The following SEC22A variants were observed in gnomAD, a reference collection of about 807,000 sequenced individuals.
SEC22A encodes vesicle-trafficking protein SEC22a.
In SEC22A, 22 loss-of-function variants were observed where a neutral mutation model predicts 35.3. That is an observed-to-expected ratio of 0.62 (90% CI 0.45 to 0.89). SEC22A has a LOEUF of 0.89. Among genes scored for constraint, SEC22A ranks in the 40% least tolerant of loss-of-function variants. The probability of loss-of-function intolerance (pLI) is 0.00; values close to 1 mark genes in which losing one functional copy is unlikely to be tolerated. For missense variants in SEC22A, 354 were observed against 362.5 expected, an observed-to-expected ratio of 0.98 and a Z score of 0.19; for synonymous variants, 119 against 129.5, an observed-to-expected ratio of 0.92 and a Z score of 0.55.
intron 5 of SEC22A, among the ~76,000 whole-genome samples, chr3:123,248,801 A>G (rs1937587325): frequency 1.3e-5 from 2 of 152,210 alleles, no homozygotes; most frequent in African/African-American, 4.8e-5. Context: ...TACTCTCACG[A>G]TTCTCAATAC....
chr3:123,265,327 A>G (rs1938002287), intron 6 of SEC22A, among the ~76,000 whole-genome samples: 1 of 152,076 alleles, frequency 6.6e-6, no homozygotes, highest in Non-Finnish European at 1.5e-5. Context: ...GGACAACTGT[A>G]TATTCTAGAT....
At chr3:123,250,378 C>G (rs1164677022) in intron 5 of SEC22A, among the ~76,000 whole-genome samples, 1 of 151,582 alleles carries the variant, frequency 6.6e-6, no homozygotes, top group Admixed American at 6.6e-5. Context: ...CCACTGCACT[C>G]TCAGCCTGGC....
intron 3 of SEC22A, among the ~76,000 whole-genome samples, chr3:123,224,393 A>AAAAG (rs113069090): frequency 0.2 from 29,756 of 152,070 alleles, 2,988 homozygotes; most frequent in Middle Eastern, 0.28. Context: ...GTAAGCAATA[A>AAAAG]AAAACAGATT....
intron 4 of SEC22A, among the ~76,000 whole-genome samples, chr3:123,226,958 A>G (rs1175680103): frequency 6.6e-6 from 1 of 152,172 alleles, no homozygotes; most frequent in Admixed American, 6.5e-5. Context: ...GGTTCTTTGT[A>G]CTGCATATTT....
At chr3:123,216,580 C>T (rs972738586) in intron 2 of SEC22A, among the ~76,000 whole-genome samples, 3 of 152,012 alleles carry the variant, frequency 2.0e-5, no homozygotes, top group East Asian at 3.9e-4. Flanking sequence ...CATGATGTGG[C>T]GCTTCACCAT....
At chr3:123,258,252 C>T (rs1937788255) in intron 5 of SEC22A, among the ~76,000 whole-genome samples, 1 of 151,996 alleles carries the variant, frequency 6.6e-6, no homozygotes, top group Non-Finnish European at 1.5e-5. Context: ...AATGTGTCTA[C>T]ATATACAGAA....
rs1306057890 is a variant in SEC22A at position 123,272,922 on chromosome 3, C to A, written c.*1200C>A. 1 of 153,756 alleles carries A rather than the reference C, an allele frequency of 6.5e-6. No homozygotes were observed. The highest frequency in any genetic ancestry group is 6.5e-5 in the Admixed American group (1 of 15,286). The allele number at this position is 153,756 out of a possible 1,614,324, so 9.5% of individuals were successfully genotyped here. ...CTTTGAGGAATTAAGCCCCTAGTAT[C>A]TGAGAGAACTTACTTGTTTTTTGAT... is the stretch of plus-strand genomic sequence containing the variant. On this transcript the variant is annotated 3_prime_UTR_variant, in exon 7 of 7. Transcript: ENST00000492595.
chr3:123,231,858 G>A (rs544638988), intron 4 of SEC22A, among the ~76,000 whole-genome samples: 2 of 152,246 alleles, frequency 1.3e-5, no homozygotes, highest in South Asian at 4.1e-4. Context: ...GAAAACAGTA[G>A]AGAAAAATCA....
At chr3:123,227,548 A>G (rs1212308871) in intron 4 of SEC22A, among the ~76,000 whole-genome samples, 1 of 152,228 alleles carries the variant, frequency 6.6e-6, no homozygotes, top group Non-Finnish European at 1.5e-5. Context: ...TGGCACATGT[A>G]TACTTATGTA....
intron 4 of SEC22A, among the ~76,000 whole-genome samples, chr3:123,233,654 C>CCAA (rs1937360986): frequency 2.0e-5 from 3 of 149,736 alleles, no homozygotes; most frequent in South Asian, 4.2e-4. Flanking sequence ...AACAAACAAA[C>CCAA]AAAAAAAAAC....
chr3:123,255,470 TACACACACACATAC>T (rs879280454), intron 5 of SEC22A, among the ~76,000 whole-genome samples: 5 of 151,802 alleles, frequency 3.3e-5, no homozygotes, highest in African/African-American at 7.3e-5. Flanking sequence ...CATTTATACA[TACACACACACATAC>T]ACACACACAC....
chr3:123,255,105 T>C (rs972869703), intron 5 of SEC22A, among the ~76,000 whole-genome samples: 1 of 152,246 alleles, frequency 6.6e-6, no homozygotes, highest in Non-Finnish European at 1.5e-5. Context: ...CTCTGCCTCA[T>C]CTGTCATTAT....
intron 1 of SEC22A, 94 bp from the exon 2 acceptor site, chr3:123,209,105 A>C: frequency 1.0e-6 from 1 of 969,484 alleles, no homozygotes; most frequent in Non-Finnish European, 1.6e-6. Flanking sequence ...TTTAATTACT[A>C]TTCTTATATT....
chr3:123,217,600 A>G (rs930093002), intron 2 of SEC22A, among the ~76,000 whole-genome samples: 1 of 152,214 alleles, frequency 6.6e-6, no homozygotes. Context: ...CAGGAAAGCT[A>G]TTCACTGGGC....
At chr3:123,239,217 A>G (rs1280067810) in intron 4 of SEC22A, among the ~76,000 whole-genome samples, 1 of 152,236 alleles carries the variant, frequency 6.6e-6, no homozygotes, top group Non-Finnish European at 1.5e-5. Flanking sequence ...AAGGGAGCAC[A>G]CAAGGATGTA....
intron 1 of SEC22A, among the ~76,000 whole-genome samples, chr3:123,203,784 A>G (rs1936800125): frequency 6.6e-6 from 1 of 152,200 alleles, no homozygotes; most frequent in Non-Finnish European, 1.5e-5. Context: ...TAGTTTCCTC[A>G]TCTGTAAAAT....
chr3:123,254,407 C>A (rs1937673881), intron 5 of SEC22A, among the ~76,000 whole-genome samples: 1 of 152,158 alleles, frequency 6.6e-6, no homozygotes, highest in South Asian at 2.1e-4. Context: ...TGAATAGTGA[C>A]ATTCATAAAA....
chr3:123,255,494 C>G (rs1331600446), intron 5 of SEC22A, among the ~76,000 whole-genome samples: 1 of 152,032 alleles, frequency 6.6e-6, no homozygotes, highest in African/African-American at 2.4e-5. Flanking sequence ...CACACACACA[C>G]AGTAAAATAT....
At chr3:123,229,282 C>CCTG (rs1937270806) in intron 4 of SEC22A, among the ~76,000 whole-genome samples, 1 of 152,142 alleles carries the variant, frequency 6.6e-6, no homozygotes, top group African/African-American at 2.4e-5. Flanking sequence ...GTATAACAAA[C>CCTG]CTGTCCCTGA....
Sources: gnomAD v4.1 joint callset for allele counts (sites outside exome capture counted in the v4.1 genomes callset) on GRCh38, gnomAD v4.1.1 for gene constraint, MANE v1.5 for transcripts, NCBI Gene and HGNC (gene_info 2026-07-23, HGNC 2026-07-21) for gene names.